NRP2: variants seen among roughly 807,000 people sequenced by gnomAD.
The protein encoded by NRP2 is neuropilin-2.
Under a neutral mutation model 110.4 loss-of-function variants are expected in NRP2, and 52 were observed. The observed-to-expected ratio is 0.47, with a 90% CI of 0.38 to 0.59. NRP2 has a LOEUF of 0.59. Ranked by LOEUF, NRP2 falls within the 20% of genes least tolerant of loss-of-function variation. NRP2 has a pLI of 0.00. For missense variants in NRP2, 1,049 were observed against 1,203.0 expected (o/e 0.87, Z 1.89); for synonymous variants, 508 against 468.9 (o/e 1.08, Z -1.08).
intron 7 of NRP2, among the ~76,000 whole-genome samples, chr2:205,736,445 G>A (rs1464309981): frequency 2.6e-5 from 4 of 152,178 alleles, no homozygotes; most frequent in Non-Finnish European, 4.4e-5. Flanking sequence ...AACATACAAG[G>A]CAACCCACCG....
At position 205,686,171 on chromosome 2, in the gene NRP2, C is replaced by G. The variant is rs569324098; in HGVS notation, c.73+2808C>G. On this transcript the variant is annotated intron_variant, in intron 1 of 16. Transcript: ENST00000357785. This position sits in a 1 kb window ranked among gnomAD's most constrained non-coding sequence, Gnocchi z 4.7. ...ATTCCCAGCGAAAGCAAAACCGAGG[C>G]TGAAGCCTCCGCGAAGTTGGCCGCC... is the stretch of plus-strand genomic sequence containing the variant. 2.7e-3 allele frequency among the ~76,000 whole-genome samples: 405 copies of G among 152,316 alleles called. 4 individuals carry two copies. The highest frequency in any genetic ancestry group is 4.7e-4 in the Non-Finnish European group (32 of 68,026).
intron 4 of NRP2, among the ~76,000 whole-genome samples, chr2:205,722,941 T>C (rs1318699642): frequency 6.6e-6 from 1 of 152,168 alleles, no homozygotes; most frequent in Non-Finnish European, 1.5e-5. Flanking sequence ...AATAGATACT[T>C]GGAAAGGATG....
chr2:205,774,703 T>C (rs1232551049), intron 15 of NRP2, among the ~76,000 whole-genome samples: 6 of 152,202 alleles, frequency 3.9e-5, no homozygotes, highest in Admixed American at 3.9e-4. Context: ...CATTAGAAGG[T>C]CTGACCCACC....
At chr2:205,734,851 T>C (rs565524218) in intron 7 of NRP2, among the ~76,000 whole-genome samples, 2 of 152,308 alleles carry the variant, frequency 1.3e-5, no homozygotes, top group African/African-American at 4.8e-5. Flanking sequence ...CACTGCGCTG[T>C]CTTGGAAATA....
chr2:205,748,361 A>G (rs1481752189), intron 10 of NRP2, among the ~76,000 whole-genome samples: 1 of 152,188 alleles, frequency 6.6e-6, no homozygotes, highest in Non-Finnish European at 1.5e-5. Context: ...TTCACCTGTT[A>G]GTTGGTTTGT....
intron 11 of NRP2, among the ~76,000 whole-genome samples, chr2:205,751,299 T>TCATTTGAGGTTTCTTTGATGGTTCCTCC (rs1192009743): frequency 4.2e-4 from 64 of 152,332 alleles, no homozygotes; most frequent in South Asian, 1.4e-3. Context: ...GTGGTTTGTT[T>TCATTTGAGGTTTCTTTGATGGTTCCTCC]CATTTGAGGT....
intron 10 of NRP2, among the ~76,000 whole-genome samples, chr2:205,746,743 C>T (rs952769069): frequency 2.6e-5 from 4 of 152,180 alleles, no homozygotes; most frequent in African/African-American, 4.8e-5. Flanking sequence ...CTGTCTGTGC[C>T]GTACCTGTCA....
intron 1 of NRP2, among the ~76,000 whole-genome samples, chr2:205,690,579 T>TAC (rs10591632): frequency 0.047 from 5,807 of 124,108 alleles, 172 homozygotes; most frequent in Non-Finnish European, 0.063. Flanking sequence ...CTGCTAAAAA[T>TAC]ACACACACAC....
chr2:205,794,676 T>G, intron 16 of NRP2, 78 bp from the exon 17 acceptor site: 1 of 1,473,958 alleles, frequency 6.8e-7, no homozygotes, highest in Non-Finnish European at 9.5e-7. Flanking sequence ...CTGAAGAGCC[T>G]CTGGGCTGGG....
rs780495885 is a variant in NRP2 at position 205,727,940 on chromosome 2, C to T, written c.1040C>T (p.Ala347Val). The T allele has an allele frequency of 8.1e-6, 13 of 1,614,042 alleles. No homozygotes were observed. Among genetic ancestry groups the T allele is most frequent in the East Asian group, 2.2e-5 (1 of 44,864 alleles). ...CTCACGGCCATCGCAACACAGGGAGCGATTTCCAGGGAAACACAGAATGGC... is the reference window on the plus strand; with the variant it reads ...CTCACGGCCATCGCAACACAGGGAGTGATTTCCAGGGAAACACAGAATGGC... ...TMLTAIATQGAISRETQNGYY... is the reference protein window; with the variant it reads ...TMLTAIATQGVISRETQNGYY... Residue 347 changes from alanine (A) to valine (V), a missense_variant, in exon 7 of 17, where the codon GCG becomes GTG. Physicochemically the swap from Ala to Val is moderately conservative, Grantham distance 64 (BLOSUM62 0). Transcript: ENST00000357785.
At chr2:205,765,989 CACAATT>C (rs2057911824) in intron 14 of NRP2, among the ~76,000 whole-genome samples, 1 of 152,208 alleles carries the variant, frequency 6.6e-6, no homozygotes, top group South Asian at 2.1e-4. Context: ...AGAGTGATAA[CACAATT>C]ACCTGAGTAG....
At chr2:205,717,844 G>A (rs534150110) in intron 3 of NRP2, among the ~76,000 whole-genome samples, 6 of 152,324 alleles carry the variant, frequency 3.9e-5, no homozygotes, top group East Asian at 1.9e-4. Context: ...TGCTCTCTTC[G>A]GGTTGGAGAG....
intron 2 of NRP2, among the ~76,000 whole-genome samples, chr2:205,712,699 G>A (rs1303354692): frequency 2.6e-5 from 4 of 152,200 alleles, no homozygotes; most frequent in Non-Finnish European, 5.9e-5. Context: ...GTCATTTGGA[G>A]TGTGCCCTTT....
intron 2 of NRP2, 106 bp downstream of exon 2, chr2:205,697,827 G>T: frequency 8.8e-7 from 1 of 1,130,456 alleles, no homozygotes; most frequent in Non-Finnish European, 1.3e-6. Flanking sequence ...AAGACCTGCT[G>T]CTAACCAGTG....
intron 15 of NRP2, among the ~76,000 whole-genome samples, chr2:205,780,756 A>G (rs2058164652): frequency 6.6e-6 from 1 of 152,184 alleles, no homozygotes; most frequent in Non-Finnish European, 1.5e-5. Context: ...TCCAGGAAGG[A>G]GTGCTTTTTA....
In NRP2 at chr2:205,745,844, G is replaced by A. The variant is rs777773822; in HGVS notation, c.1740G>A (p.Pro580=). ...GGGTATACCCGGAGAGGTGGTCGCC[G>A]GCGGGGATTGGGATGCGGCTGGAGG... ...YVRVYPERWS[P]AGIGMRLEVL... The change falls in exon 10 of 17, where the codon CCG becomes CCA. Residue 580 remains proline (P), a synonymous_variant. Coordinates refer to ENST00000357785, the MANE Select transcript of NRP2 (RefSeq NM_003872.3). The A allele has an allele frequency of 3.3e-5, 53 of 1,614,088 alleles. No homozygotes were observed. Among genetic ancestry groups the A allele is most frequent in the African/African-American group, 6.7e-5 (5 of 74,952 alleles).
chr2:205,793,643 A>G (rs1214093958), intron 16 of NRP2, among the ~76,000 whole-genome samples: 1 of 152,176 alleles, frequency 6.6e-6, no homozygotes, highest in Non-Finnish European at 1.5e-5. Flanking sequence ...GGAGATGGCC[A>G]TTCTCCTGTT....
intron 1 of NRP2, among the ~76,000 whole-genome samples, chr2:205,694,759 T>A (rs2056388435): frequency 6.6e-6 from 1 of 152,350 alleles, no homozygotes; most frequent in East Asian, 1.9e-4. Context: ...GGGACATGTT[T>A]GTATTTAGGA....
chr2:205,755,625 AG>A (rs2057721117), intron 12 of NRP2, among the ~76,000 whole-genome samples: 1 of 141,674 alleles, frequency 7.1e-6, no homozygotes, highest in Non-Finnish European at 1.6e-5. Flanking sequence ...AAAAAAAAGG[AG>A]GGGGAGGCCC....
Sources: gnomAD v4.1 joint callset for allele counts (sites outside exome capture counted in the v4.1 genomes callset) on GRCh38, gnomAD v4.1.1 for gene constraint, Gnocchi (gnomAD v3.1) non-coding constraint, MANE v1.5 for transcripts, NCBI Gene and HGNC (gene_info 2026-07-23, HGNC 2026-07-21) for gene names.